ZFAND3: variants seen among roughly 807,000 people sequenced by gnomAD.
ZFAND3 encodes zinc finger AN1-type containing 3.
Under a neutral mutation model 29.6 loss-of-function variants are expected in ZFAND3, and 10 were observed. The observed-to-expected ratio is 0.34, with a 90% CI of 0.21 to 0.57. The LOEUF (loss-of-function observed/expected upper bound fraction) is 0.57, where lower values mean the gene tolerates loss of function less well. Among genes scored for constraint, ZFAND3 ranks in the 20% least tolerant of loss-of-function variants. The probability of loss-of-function intolerance (pLI) is 0.86; values close to 1 mark genes in which losing one functional copy is unlikely to be tolerated. For missense variants in ZFAND3, 230 were observed against 304.5 expected (o/e 0.76, Z 1.82); for synonymous variants, 128 against 112.6 (o/e 1.14, Z -0.87).
intron 5 of ZFAND3, among the ~76,000 whole-genome samples, chr6:38,141,124 C>T (rs1195013850): frequency 2.0e-5 from 3 of 152,092 alleles, no homozygotes; most frequent in Admixed American, 6.6e-5. Flanking sequence ...TTTGAGTTAT[C>T]GTGGTGAAAA....
At chr6:37,938,732 G>C (rs929457698) in intron 2 of ZFAND3, among the ~76,000 whole-genome samples, 15 of 152,154 alleles carry the variant, frequency 9.9e-5, no homozygotes, top group African/African-American at 3.6e-4. Context: ...TATTATGCTA[G>C]TCAAGATACA....
chr6:38,114,032 G>A (rs887473645), intron 4 of ZFAND3, among the ~76,000 whole-genome samples: 4 of 152,222 alleles, frequency 2.6e-5, no homozygotes, highest in Admixed American at 1.3e-4. Flanking sequence ...TTGTGCCAAG[G>A]CCCTCCAGAT....
At chr6:38,121,726 G>T (rs1044900326) in intron 5 of ZFAND3, among the ~76,000 whole-genome samples, 1 of 152,112 alleles carries the variant, frequency 6.6e-6, no homozygotes, top group Non-Finnish European at 1.5e-5. Context: ...CCTTCTCAGG[G>T]TTTTATGGGA....
At chr6:37,848,902 T>G (rs1236439467) in intron 1 of ZFAND3, among the ~76,000 whole-genome samples, 1 of 152,204 alleles carries the variant, frequency 6.6e-6, no homozygotes, top group Admixed American at 6.5e-5. Context: ...GCTGTCAGCT[T>G]CTCCTTTAAA....
chr6:38,029,679 A>G (rs755417756), intron 2 of ZFAND3, among the ~76,000 whole-genome samples: 6 of 152,182 alleles, frequency 3.9e-5, no homozygotes, highest in Non-Finnish European at 8.8e-5. Flanking sequence ...TAAAAAGGAG[A>G]GATATTCATA....
At chr6:38,093,390 T>C (rs1764911421) in intron 4 of ZFAND3, among the ~76,000 whole-genome samples, 1 of 152,232 alleles carries the variant, frequency 6.6e-6, no homozygotes, top group Non-Finnish European at 1.5e-5. Flanking sequence ...TGATTGAAAC[T>C]ATTTTCAGTT....
intron 2 of ZFAND3, among the ~76,000 whole-genome samples, chr6:37,964,549 G>A (rs781010124): frequency 4.4e-4 from 67 of 152,258 alleles, no homozygotes; most frequent in Admixed American, 2.4e-3. Flanking sequence ...TTTGATTTCT[G>A]ACATTGATTC....
intron 4 of ZFAND3, among the ~76,000 whole-genome samples, chr6:38,115,879 C>T (rs1396010330): frequency 6.6e-6 from 1 of 152,172 alleles, no homozygotes; most frequent in Non-Finnish European, 1.5e-5. Context: ...TTTGGCTCCA[C>T]CTCAAGGTGG....
intron 1 of ZFAND3, among the ~76,000 whole-genome samples, chr6:37,897,921 A>G (rs1174198364): frequency 6.6e-6 from 1 of 152,134 alleles, no homozygotes; most frequent in Non-Finnish European, 1.5e-5. Context: ...AGTTCTTTTT[A>G]TAGTTTACGC....
At chr6:37,999,838 T>C (rs866734429) in intron 2 of ZFAND3, among the ~76,000 whole-genome samples, 4 of 152,328 alleles carry the variant, frequency 2.6e-5, no homozygotes, top group Admixed American at 6.5e-5. Context: ...GTGTGGACTT[T>C]AGTTAATAGG....
chr6:37,848,357 A>G (rs1488028608), intron 1 of ZFAND3, among the ~76,000 whole-genome samples: 2 of 152,266 alleles, frequency 1.3e-5, no homozygotes, highest in Non-Finnish European at 2.9e-5. Context: ...GAGGCCAGGT[A>G]AAGCCTGTAG....
At chr6:38,053,526 A>G (rs1469542282) in intron 2 of ZFAND3, among the ~76,000 whole-genome samples, 5 of 152,118 alleles carry the variant, frequency 3.3e-5, no homozygotes, top group Non-Finnish European at 7.4e-5. Context: ...TCTACTAAAA[A>G]TACAAAAATT....
chr6:37,978,052 C>T (rs753713468), intron 2 of ZFAND3, among the ~76,000 whole-genome samples: 1 of 151,998 alleles, frequency 6.6e-6, no homozygotes, highest in Non-Finnish European at 1.5e-5. Context: ...CCTGCCTCAG[C>T]CTCCTCAGTA....
At chr6:38,073,335 T>TTG (rs1561989259) in intron 3 of ZFAND3, among the ~76,000 whole-genome samples, 6 of 143,778 alleles carry the variant, frequency 4.2e-5, no homozygotes, top group African/African-American at 1.5e-4. Flanking sequence ...GAACTATGTT[T>TTG]GAAAAAAAAA....
At chr6:38,091,896 A>G (rs1376062165) in intron 4 of ZFAND3, among the ~76,000 whole-genome samples, 2 of 152,096 alleles carry the variant, frequency 1.3e-5, no homozygotes, top group African/African-American at 2.4e-5. Flanking sequence ...AGCGAGGGCT[A>G]ATAGAGGCTG....
At chr6:37,846,279 C>G (rs2127376888) in intron 1 of ZFAND3, among the ~76,000 whole-genome samples, 1 of 152,206 alleles carries the variant, frequency 6.6e-6, no homozygotes, top group South Asian at 2.1e-4. Flanking sequence ...ACTAAGAACC[C>G]AAGCCTTAGC....
intron 2 of ZFAND3, among the ~76,000 whole-genome samples, chr6:37,947,136 C>T (rs973696849): frequency 3.9e-5 from 6 of 152,142 alleles, no homozygotes; most frequent in African/African-American, 1.4e-4. Context: ...TTGTTCTTTA[C>T]ACTTGCCAAA....
At chr6:37,896,514 T>TTTTCCTTCTTTCTTTCTTTC (rs1765207977) in intron 1 of ZFAND3, among the ~76,000 whole-genome samples, 1 of 109,100 alleles carries the variant, frequency 9.2e-6, no homozygotes, top group Non-Finnish European at 1.9e-5. Context: ...TTCCTCTTTC[T>TTTTCCTTCTTTCTTTCTTTC]TTTCTTTCTT....
At chr6:37,921,053 G>C (rs1017907600) in intron 1 of ZFAND3, among the ~76,000 whole-genome samples, 4 of 152,082 alleles carry the variant, frequency 2.6e-5, no homozygotes, top group African/African-American at 9.7e-5. Context: ...ATTGTGGTTT[G>C]TTTTTCCCTT....
Sources: gnomAD v4.1 joint callset for allele counts (sites outside exome capture counted in the v4.1 genomes callset) on GRCh38, gnomAD v4.1.1 for gene constraint, MANE v1.5 for transcripts, NCBI Gene and HGNC (gene_info 2026-07-23, HGNC 2026-07-21) for gene names.